Variants in CCT8L2 observed in about 807,000 individuals in gnomAD.
CCT8L2 encodes T-complex protein 1 subunit theta-like 2.
CCT8L2 carries 29 observed loss-of-function variants against 31.5 expected under a neutral mutation model. The observed-to-expected ratio is 0.92, with a 90% confidence interval of 0.68 to 1.25. CCT8L2 has a LOEUF of 1.25. CCT8L2 is among the 50% of genes most tolerant of loss of function. The probability of loss-of-function intolerance (pLI) is 0.00; values close to 1 mark genes in which losing one functional copy is unlikely to be tolerated. For synonymous variants in CCT8L2, 256 were observed against 290.1 expected, an observed-to-expected ratio of 0.88 and a Z score of 1.19; for missense variants, 589 against 695.7, an observed-to-expected ratio of 0.85 and a Z score of 1.73.
Position 16,591,284 on chromosome 22 carries a change from G to C in CCT8L2, c.1267C>G (p.Leu423Val), listed in dbSNP as rs546088399. Residue 423 changes from leucine to valine, a missense_variant, in exon 1 of 1, where the codon CTT becomes GTT. Transcript: ENST00000359963. Reference sequence around the variant, plus strand: ...TCCAATCTGCTTCCTTTATCAGAAAGCATTTTTGCCAAAGCCATTTCTGTG... The same window carrying C: ...TCCAATCTGCTTCCTTTATCAGAAACCATTTTTGCCAAAGCCATTTCTGTG... ...GATEMALAKMLSDKGSRLEGP... is the reference protein window; with the variant it reads ...GATEMALAKMVSDKGSRLEGP... 6.2e-6 allele frequency: 10 copies of C among 1,613,924 alleles called. No homozygotes were observed. The highest frequency in any genetic ancestry group is 8.5e-6 in the Non-Finnish European group (10 of 1,179,886).
In CCT8L2 at chr22:16,591,125, G is replaced by A. The variant is rs569870726; in HGVS notation, c.1426C>T (p.Leu476Phe). The A allele has an allele frequency of 5.0e-6, 8 of 1,614,016 alleles. No homozygotes were observed. The East Asian group carries it at 8.9e-5, about 18-fold the overall frequency. Reference protein sequence around the residue: ...EMSGVHQGGNLLMGVGTEGII... With the variant: ...EMSGVHQGGNFLMGVGTEGII... ...CCTTCAGTTCCCACACCCATTAGGAGGTTCCCACCTTGGTGCACTCCACTC... is the reference window on the plus strand; with the variant it reads ...CCTTCAGTTCCCACACCCATTAGGAAGTTCCCACCTTGGTGCACTCCACTC... The change falls in exon 1 of 1, where the codon CTC becomes TTC. Residue 476 changes from leucine to phenylalanine, a missense_variant. Transcript: ENST00000359963.
chr22:16,591,135 T>A lies in CCT8L2; in HGVS notation c.1416A>T (p.Gln472His), dbSNP rs2059588439. ...CCACACCCATTAGGAGGTTCCCACC[T>A]TGGTGCACTCCACTCATTTCTGCCA... is the stretch of plus-strand genomic sequence containing the variant. ...DVMAEMSGVHQGGNLLMGVGT... is the reference protein window; with the variant it reads ...DVMAEMSGVHHGGNLLMGVGT... Residue 472 changes from glutamine to histidine, a missense_variant, in exon 1 of 1, where the codon CAA becomes CAT. Coordinates refer to ENST00000359963, the MANE Select transcript of CCT8L2 (RefSeq NM_014406.5). 1 of 1,613,918 alleles carries A rather than the reference T, an allele frequency of 6.2e-7. No individual in the cohort carries two copies. The highest frequency in any genetic ancestry group is 1.3e-5 in the African/African-American group (1 of 74,942).
At position 16,591,635 on chromosome 22, in the gene CCT8L2, G is replaced by C. The variant is rs2059590416; in HGVS notation, c.916C>G (p.Leu306Val). 1.2e-6 allele frequency: 2 copies of C among 1,614,206 alleles called. No homozygotes were observed. Among genetic ancestry groups the C allele is most frequent in the Admixed American group, 1.7e-5 (1 of 60,026 alleles). The change falls in exon 1 of 1, where the codon CTG becomes GTG. Residue 306 changes from leucine to valine, a missense_variant. Transcript: ENST00000359963. The stretch of plus-strand genomic sequence containing the variant: ...ACCACGATGCCATACTTGTCCGCCA[G>C]TGTGAGGGTCTCCTCGTCGACCTCC... ...LGEVDEETLT[L>V]ADKYGIVVIQ... is the part of the protein sequence containing the mutation.
rs184546715 is a variant in CCT8L2 at position 16,592,576 on chromosome 22, C to T, written c.-26G>A. 9.0e-6 allele frequency: 14 copies of T among 1,552,480 alleles called. No individual in the cohort carries two copies. The highest frequency in any genetic ancestry group is 2.7e-5 in the African/African-American group (2 of 73,274). On this transcript the variant is annotated 5_prime_UTR_variant, in exon 1 of 1. Coordinates refer to ENST00000359963, the MANE Select transcript of CCT8L2 (RefSeq NM_014406.5). ...GGCCCGCAGAGAGAGGAGAGGCCAC[C>T]GTGGGTTGCAGAGATGCTCTAGAAA...
In CCT8L2 at chr22:16,591,595, G is replaced by A. The variant is rs748624235; in HGVS notation, c.956C>T (p.Ser319Phe). The change falls in exon 1 of 1, where the codon TCT becomes TTT. Residue 319 changes from serine (S) to phenylalanine (F), a missense_variant. Ser to Phe is a radical substitution (Grantham distance 155). Coordinates refer to ENST00000359963, the MANE Select transcript of CCT8L2 (RefSeq NM_014406.5). ...ACTCAGGTAAATGATCTCCATCCAA[G>A]ACCTAGCTTGAATCACCACGATGCC... ...KYGIVVIQARSWMEIIYLSEV... is the reference protein window; with the variant it reads ...KYGIVVIQARFWMEIIYLSEV... 6.2e-7 allele frequency: 1 copy of A among 1,614,086 alleles called. No individual in the cohort carries two copies. The highest frequency in any genetic ancestry group is 1.3e-5 in the African/African-American group (1 of 74,928).
In CCT8L2 at chr22:16,592,569, A is replaced by G. The variant is rs760195620; in HGVS notation, c.-19T>C. The G allele has an allele frequency of 5.7e-6, 9 of 1,565,930 alleles. No individual in the cohort carries two copies. Among genetic ancestry groups the G allele is most frequent in the Non-Finnish European group, 7.8e-6 (9 of 1,156,508 alleles). On this transcript the variant is annotated 5_prime_UTR_variant, in exon 1 of 1. Transcript: ENST00000359963. ...TGTCCATGGCCCGCAGAGAGAGGAGAGGCCACCGTGGGTTGCAGAGATGCT... is the reference window on the plus strand; with the variant it reads ...TGTCCATGGCCCGCAGAGAGAGGAGGGGCCACCGTGGGTTGCAGAGATGCT...
rs1297247015 is a variant in CCT8L2 at position 16,591,613 on chromosome 22, A to T, written c.938T>A (p.Val313Glu). 1 of 1,614,076 alleles carries T rather than the reference A, an allele frequency of 6.2e-7. No individual in the cohort carries two copies. Among genetic ancestry groups the T allele is most frequent in the Non-Finnish European group, 8.5e-7 (1 of 1,179,996 alleles). ...CATCCAAGACCTAGCTTGAATCACC[A>T]CGATGCCATACTTGTCCGCCAGTGT... ...TLTLADKYGI[V>E]VIQARSWMEI... The change falls in exon 1 of 1, where the codon GTG becomes GAG. Residue 313 changes from valine (V) to glutamate (E), a missense_variant. Physicochemically the swap from Val to Glu is moderately radical, Grantham distance 121. Transcript: ENST00000359963.
chr22:16,592,158 C>A lies in CCT8L2; in HGVS notation c.393G>T (p.Gln131His). 1 of 1,614,158 alleles carries A rather than the reference C, an allele frequency of 6.2e-7. No homozygotes were observed. The highest frequency in any genetic ancestry group is 8.5e-7 in the Non-Finnish European group (1 of 1,180,040). ...TGGCCGTGGCGTAGGCCTCCCGGAG[C>A]TGCGGGCGAGGCAGGCCAGCCTTCA... ...QLLKAGLPRPQLREAYATATA... is the reference protein window; with the variant it reads ...QLLKAGLPRPHLREAYATATA... Residue 131 changes from glutamine to histidine, a missense_variant, in exon 1 of 1, where the codon CAG becomes CAT. Gln to His is a conservative substitution (Grantham distance 24, BLOSUM62 0). Coordinates refer to ENST00000359963, the MANE Select transcript of CCT8L2 (RefSeq NM_014406.5).
rs901327177 is a variant in CCT8L2, at chr22:16,591,442, G to A, written c.1109C>T (p.Thr370Ile). 5 of 1,614,112 alleles carry A rather than the reference G, an allele frequency of 3.1e-6. No homozygotes were observed. Among genetic ancestry groups the A allele is most frequent in the South Asian group, 1.1e-5 (1 of 91,086 alleles). The change falls in exon 1 of 1, where the codon ACA (threonine) becomes ATA (isoleucine). Residue 370 changes from threonine to isoleucine, a missense_variant. Thr to Ile is a moderately conservative substitution (Grantham distance 89). Transcript: ENST00000359963. ...CCTGAGAACCACAGTGAGGGCAGGT[G>A]TGCCTGTACATTCCCATTCAAATAC... ...AVVFEWECTG[T>I]PALTVVLRGA... is the part of the protein sequence containing the mutation.
At position 16,591,275 on chromosome 22, in the gene CCT8L2, T is replaced by C; in HGVS notation, c.1276A>G (p.Lys426Glu). 6.2e-7 allele frequency: 1 copy of C among 1,614,004 alleles called. No homozygotes were observed. Among genetic ancestry groups the C allele is most frequent in the Non-Finnish European group, 8.5e-7 (1 of 1,179,880 alleles). ...CTGGGCCCTTCCAATCTGCTTCCTT[T>C]ATCAGAAAGCATTTTTGCCAAAGCC... ...EMALAKMLSD[K>E]GSRLEGPSGP... The change falls in exon 1 of 1, where the codon AAA (lysine) becomes GAA (glutamate). Residue 426 changes from lysine to glutamate, a missense_variant. Lys to Glu is a moderately conservative substitution (Grantham distance 56). Coordinates refer to ENST00000359963, the MANE Select transcript of CCT8L2 (RefSeq NM_014406.5).
Position 16,592,591 on chromosome 22 carries a change from T to A in CCT8L2, c.-41A>T, listed in dbSNP as rs545879662. The A allele has an allele frequency of 6.6e-7, 1 of 1,518,992 alleles. No homozygotes were observed. Among genetic ancestry groups the A allele is most frequent in the Admixed American group, 2.1e-5 (1 of 47,498 alleles). The allele number at this position is 1,518,992 out of a possible 1,614,324, so 94.1% of individuals were successfully genotyped here. ...GAGAGGCCACCGTGGGTTGCAGAGATGCTCTAGAAACAGCAGCTGGGGCAC... is the reference window on the plus strand; with the variant it reads ...GAGAGGCCACCGTGGGTTGCAGAGAAGCTCTAGAAACAGCAGCTGGGGCAC... On this transcript the variant is annotated 5_prime_UTR_variant, in exon 1 of 1. Coordinates refer to ENST00000359963, the MANE Select transcript of CCT8L2 (RefSeq NM_014406.5).
At position 16,591,867 on chromosome 22, in the gene CCT8L2, G is replaced by A. The variant is rs1203708136; in HGVS notation, c.684C>T (p.Leu228=). The change falls in exon 1 of 1, where the codon CTC becomes CTT. Residue 228 remains leucine (L), a synonymous_variant. Coordinates refer to ENST00000359963, the MANE Select transcript of CCT8L2 (RefSeq NM_014406.5). ...TTAACACTGTGGCCATTTGCCCACA[G>A]AGCTTCCCAGATATTGCTAACCCCG... ...LLPGLAISGK[L]CGQMATVLSG... The A allele has an allele frequency of 1.2e-6, 2 of 1,614,182 alleles. No individual in the cohort carries two copies. The highest frequency in any genetic ancestry group is 1.1e-5 in the South Asian group (1 of 91,082).
At position 16,591,249 on chromosome 22, in the gene CCT8L2, A is replaced by T; in HGVS notation, c.1302T>A (p.Ser434Arg). Residue 434 changes from serine to arginine, a missense_variant, in exon 1 of 1, where the codon AGT becomes AGA. Physicochemically the swap from Ser to Arg is moderately radical, Grantham distance 110. Transcript: ENST00000359963. The part of the protein sequence containing the change: ...SDKGSRLEGP[S>R]GPAFLAFAWA... ...AGGCAAATGCTAGGAATGCAGGCCC[A>T]CTGGGCCCTTCCAATCTGCTTCCTT... The T allele has an allele frequency of 6.2e-7, 1 of 1,614,052 alleles. No individual in the cohort carries two copies. Among genetic ancestry groups the T allele is most frequent in the Non-Finnish European group, 8.5e-7 (1 of 1,179,872 alleles).
rs762853131 is a variant in CCT8L2 at position 16,591,528 on chromosome 22, G to A, written c.1023C>T (p.Pro341=). The change falls in exon 1 of 1, where the codon CCC becomes CCT. Residue 341 remains proline, a synonymous_variant. Coordinates refer to ENST00000359963, the MANE Select transcript of CCT8L2 (RefSeq NM_014406.5). ...CCCTCTGGCACTTGCCTGGCCTCTGGGGAGGGAGCAGACGAGGCAGCAGAG... is the reference window on the plus strand; with the variant it reads ...CCCTCTGGCACTTGCCTGGCCTCTGAGGAGGGAGCAGACGAGGCAGCAGAG... ...DTPLLPRLLP[P]QRPGKCQRVY... 4 of 1,614,188 alleles carry A rather than the reference G, an allele frequency of 2.5e-6. No individual in the cohort carries two copies. Among genetic ancestry groups the A allele is most frequent in the Admixed American group, 1.7e-5 (1 of 60,022 alleles).
In CCT8L2 at chr22:16,591,730, C is replaced by T. The variant is rs2059590910; in HGVS notation, c.821G>A (p.Ser274Asn). Residue 274 changes from serine to asparagine, a missense_variant, in exon 1 of 1, where the codon AGC becomes AAC. Transcript: ENST00000359963. ...TACTTGCTTTTCTAGTAATTGATCG[C>T]TTCCTTTACTAAATTGAGCTAGATC... ...PADLAQFSKG[S>N]DQLLEKQVGQ... The T allele has an allele frequency of 2.5e-6, 4 of 1,614,224 alleles. No individual in the cohort carries two copies. In the Admixed American group the frequency reaches 5.0e-5, roughly 20 times the overall value.
rs1243413995 is a variant in CCT8L2 at position 16,592,310 on chromosome 22, C to G, written c.241G>C (p.Glu81Gln). The stretch of plus-strand genomic sequence containing the variant: ...AGCCATGCTGCTGGGTGCTCCAGCT[C>G]CAGGGCCCTGAGGATGGCAGTGGCA... ...GCATAILRALELEHPAAWLLR... is the reference protein window; with the variant it reads ...GCATAILRALQLEHPAAWLLR... The change falls in exon 1 of 1, where the codon GAG becomes CAG. Residue 81 changes from glutamate to glutamine, a missense_variant. Glu to Gln is a conservative substitution (Grantham distance 29, BLOSUM62 2). Transcript: ENST00000359963. 6.2e-7 allele frequency: 1 copy of G among 1,614,250 alleles called. No individual in the cohort carries two copies.
At position 16,590,897 on chromosome 22, in the gene CCT8L2, T is replaced by TC. The variant is rs1490410002; in HGVS notation, c.1653_1654insG (p.Ile552AspfsTer6). The TC allele has an allele frequency of 7.5e-6, 12 of 1,604,338 alleles. No individual in the cohort carries two copies. The East Asian group carries it at 2.7e-4, about 36-fold the overall frequency. The stretch of plus-strand genomic sequence containing the variant: ...TATCACTAGTTATTCAATCCAAGGA[T>TC]TTTTTTTGTTTCCACAGGAGGTGGG... On this transcript the variant is annotated frameshift_variant, in exon 1 of 1. Transcript: ENST00000359963. LOFTEE classifies it high-confidence loss of function.
rs1301530220 is a variant in CCT8L2, at chr22:16,592,778, C to G, written c.-228G>C. The G allele has an allele frequency of 2.1e-6, 1 of 482,066 alleles. No individual in the cohort carries two copies. The highest frequency in any genetic ancestry group is 2.0e-5 in the African/African-American group (1 of 50,968). The allele number at this position is 482,066 out of a possible 1,614,324, so 29.9% of individuals were successfully genotyped here. A position where few individuals can be genotyped will look rare whatever the true frequency, so the allele number is the denominator to read the frequency against. ...TCCTAAAGCCACCCCAGGGTTGATT[C>G]TGTAAAGGAACTGGGTCTTGGGGCC... On this transcript the variant is annotated 5_prime_UTR_variant, in exon 1 of 1. Coordinates refer to ENST00000359963, the MANE Select transcript of CCT8L2 (RefSeq NM_014406.5).
chr22:16,591,020 C>T lies in CCT8L2; in HGVS notation c.1531G>A (p.Val511Met), dbSNP rs758643668. 3.1e-6 allele frequency: 5 copies of T among 1,613,956 alleles called. No homozygotes were observed. In the Admixed American group the frequency reaches 5.0e-5, roughly 16 times the overall value. Reference sequence around the variant, plus strand: ...TCATCTACAGTCACGAGCTGTAGCACCACCTCAGCCACTGCTCGAAATCCT... The same window carrying T: ...TCATCTACAGTCACGAGCTGTAGCATCACCTCAGCCACTGCTCGAAATCCT... ...AQGFRAVAEV[V>M]LQLVTVDEIV... Residue 511 changes from valine to methionine, a missense_variant, in exon 1 of 1, where the codon GTG (valine) becomes ATG (methionine). Val to Met is a conservative substitution (Grantham distance 21). Transcript: ENST00000359963.
Sources: gnomAD v4.1 joint callset for allele counts on GRCh38, gnomAD v4.1.1 for gene constraint, MANE v1.5 for transcripts, NCBI Gene and HGNC (gene_info 2026-07-23, HGNC 2026-07-21) for gene names.